The following ARB2A variants were observed in gnomAD, a reference collection of about 807,000 sequenced individuals.
ARB2A encodes ARB2 cotranscriptional regulator A.
At chr5:93,890,410 C>G in the ARB2A span, among the ~76,000 whole-genome samples, 1 of 151,378 alleles carries the variant, frequency 6.6e-6, no homozygotes, top group Non-Finnish European at 1.5e-5. Context: ...TAATAATGTT[C>G]TTTTCATTAA....
the ARB2A span, among the ~76,000 whole-genome samples, chr5:93,644,981 C>T: frequency 6.6e-6 from 1 of 152,140 alleles, no homozygotes; most frequent in Non-Finnish European, 1.5e-5. Flanking sequence ...CTTAGATAAG[C>T]TACGAACACA....
the ARB2A span, among the ~76,000 whole-genome samples, chr5:93,814,109 C>A: frequency 6.6e-6 from 1 of 152,150 alleles, no homozygotes; most frequent in Admixed American, 6.6e-5. Flanking sequence ...CAATTTTGTT[C>A]TCTTGTCCAT....
At chr5:94,077,359 C>T in the ARB2A span, among the ~76,000 whole-genome samples, 31 of 149,496 alleles carry the variant, frequency 2.1e-4, no homozygotes, top group African/African-American at 6.9e-4. Flanking sequence ...GTTGACAAAG[C>T]GAGACTCTGT....
the ARB2A span, among the ~76,000 whole-genome samples, chr5:93,941,402 G>C: frequency 2.4e-4 from 37 of 152,084 alleles, no homozygotes; most frequent in Middle Eastern, 6.8e-3. Context: ...GAGAAAAGCA[G>C]ATTTGAAAAA....
the ARB2A span, among the ~76,000 whole-genome samples, chr5:93,907,629 C>G: frequency 1.3e-5 from 2 of 151,280 alleles, no homozygotes; most frequent in African/African-American, 4.8e-5. Context: ...GTCATTTATA[C>G]CAGAATATTA....
At chr5:93,809,464 C>G in the ARB2A span, among the ~76,000 whole-genome samples, 1 of 151,974 alleles carries the variant, frequency 6.6e-6, no homozygotes, top group Non-Finnish European at 1.5e-5. Flanking sequence ...ATTTCTAGTG[C>G]TTTCTACATT....
chr5:93,637,281 T>C, the ARB2A span, among the ~76,000 whole-genome samples: 1 of 152,116 alleles, frequency 6.6e-6, no homozygotes, highest in African/African-American at 2.4e-5. Context: ...TTCAGTAGTA[T>C]TCCATGGTAT....
At chr5:93,877,273 C>T in the ARB2A span, among the ~76,000 whole-genome samples, 2 of 152,154 alleles carry the variant, frequency 1.3e-5, no homozygotes, top group Admixed American at 6.6e-5. Flanking sequence ...CATCAAGTCA[C>T]TTTTGCCTAT....
chr5:93,734,926 T>G, the ARB2A span: 1 of 152,104 alleles, frequency 6.6e-6, no homozygotes, highest in Non-Finnish European at 1.5e-5. Context: ...CCGGCTAATT[T>G]TTGTACTTTT....
chr5:94,019,781 G>C, the ARB2A span, among the ~76,000 whole-genome samples: 1 of 152,150 alleles, frequency 6.6e-6, no homozygotes, highest in Non-Finnish European at 1.5e-5. Context: ...CCATTACTGG[G>C]TATATACCCA....
chr5:93,626,087 G>T, the ARB2A span, among the ~76,000 whole-genome samples: 1 of 152,128 alleles, frequency 6.6e-6, no homozygotes, highest in Non-Finnish European at 1.5e-5. Flanking sequence ...TGTTTACTTT[G>T]GCAGATGTAT....
At chr5:93,826,530 T>C in the ARB2A span, among the ~76,000 whole-genome samples, 1 of 152,208 alleles carries the variant, frequency 6.6e-6, no homozygotes, top group Non-Finnish European at 1.5e-5. Flanking sequence ...CCTCTACAAA[T>C]CTGTCTAAGC....
chr5:93,651,402 C>T, the ARB2A span, among the ~76,000 whole-genome samples: 1 of 152,174 alleles, frequency 6.6e-6, no homozygotes, highest in Non-Finnish European at 1.5e-5. Context: ...TCCCAAAGTG[C>T]TGGGATTATA....
At chr5:93,927,508 T>C in the ARB2A span, among the ~76,000 whole-genome samples, 1 of 152,114 alleles carries the variant, frequency 6.6e-6, no homozygotes. Flanking sequence ...ACCGTAAACT[T>C]CATATGGTGA....
At chr5:93,991,238 G>A in the ARB2A span, among the ~76,000 whole-genome samples, 1 of 152,038 alleles carries the variant, frequency 6.6e-6, no homozygotes, top group African/African-American at 2.4e-5. Context: ...CCTGAAAAAG[G>A]TCACAACTCA....
chr5:94,000,693 T>C, the ARB2A span, among the ~76,000 whole-genome samples: 1 of 152,144 alleles, frequency 6.6e-6, no homozygotes, highest in Non-Finnish European at 1.5e-5. Context: ...TCACGGACTA[T>C]ACCTTTGGTG....
chr5:93,863,623 G>C, the ARB2A span: 7 of 151,948 alleles, frequency 4.6e-5, no homozygotes, highest in African/African-American at 1.7e-4. Context: ...CTGAACTACA[G>C]TGGAGAGAAG....
At chr5:93,675,483 A>C in the ARB2A span, among the ~76,000 whole-genome samples, 1 of 152,190 alleles carries the variant, frequency 6.6e-6, no homozygotes, top group South Asian at 2.1e-4. Context: ...TCAACTTCTA[A>C]ATATGTATAA....
At chr5:94,009,609 T>C in the ARB2A span, among the ~76,000 whole-genome samples, 1 of 152,102 alleles carries the variant, frequency 6.6e-6, no homozygotes, top group African/African-American at 2.4e-5. Context: ...AACATTAGCA[T>C]AATTTCTCCA....
Sources: allele counts gnomAD v4.1 joint callset (sites outside exome capture counted in the v4.1 genomes callset), GRCh38; gene constraint gnomAD v4.1.1; transcripts MANE v1.5; gene names NCBI Gene and HGNC (gene_info 2026-07-23, HGNC 2026-07-21).